Variants in GMDS observed in about 807,000 individuals in gnomAD.
GMDS encodes the protein GDP-mannose 4,6 dehydratase.
In GMDS, 20 loss-of-function variants were observed where a neutral mutation model predicts 49.9. That is an observed-to-expected ratio of 0.40 (90% CI 0.28 to 0.58). GMDS has a LOEUF of 0.58. Among genes scored for constraint, GMDS ranks in the 20% least tolerant of loss-of-function variants. GMDS has a pLI of 0.42. For synonymous variants in GMDS, 177 were observed against 178.6 expected, an observed-to-expected ratio of 0.99 and a Z score of 0.07; for missense variants, 362 against 481.4, an observed-to-expected ratio of 0.75 and a Z score of 2.32.
At chr6:2,224,067 CAA>C (rs905525584) in intron 1 of GMDS, among the ~76,000 whole-genome samples, 4 of 152,194 alleles carry the variant, frequency 2.6e-5, no homozygotes, top group African/African-American at 9.7e-5. Flanking sequence ...GCAAGTAAGA[CAA>C]GGACTGAAGT....
At chr6:1,970,991 G>A (rs1373875382) in intron 4 of GMDS, among the ~76,000 whole-genome samples, 1 of 151,224 alleles carries the variant, frequency 6.6e-6, no homozygotes, top group Non-Finnish European at 1.5e-5. Flanking sequence ...GTGGGCAGGG[G>A]TGGGGGATAG....
intron 9 of GMDS, among the ~76,000 whole-genome samples, chr6:1,719,318 G>A (rs1160258092): frequency 6.6e-6 from 1 of 152,052 alleles, no homozygotes; most frequent in Non-Finnish European, 1.5e-5. Flanking sequence ...GTGAGGTGGT[G>A]GGAGAAGGCA....
At chr6:1,693,396 C>T (rs1451938298) in intron 9 of GMDS, among the ~76,000 whole-genome samples, 1 of 152,214 alleles carries the variant, frequency 6.6e-6, no homozygotes, top group Non-Finnish European at 1.5e-5. Flanking sequence ...GAACTCTGTC[C>T]TCTAAGCTTA....
At chr6:1,869,772 C>A (rs1758629678) in intron 7 of GMDS, among the ~76,000 whole-genome samples, 1 of 152,248 alleles carries the variant, frequency 6.6e-6, no homozygotes, top group African/African-American at 2.4e-5. Flanking sequence ...GGAAAAGGAA[C>A]ATTTAGTGGA....
At position 2,016,076 on chromosome 6, in the gene GMDS, A is replaced by T. The variant is rs553993032; in HGVS notation, c.346-55110T>A. On this transcript the variant is annotated intron_variant, in intron 4 of 10. Transcript: ENST00000380815. ...AACAAAACCCTGTTTCTAAAAAAAA[A>T]AAAAATAAATTAAAAAAAAAAAAAA... Among the ~76,000 whole-genome samples the T allele has an allele frequency of 1.5e-4, 17 of 114,970 alleles. No homozygotes were observed. In the South Asian group the frequency reaches 4.5e-3, roughly 31 times the overall value. 75.4% of individuals were successfully genotyped at this position (114,970 alleles called of 152,430 possible). A position where few individuals can be genotyped will look rare whatever the true frequency, so the allele number is the denominator to read the frequency against.
intron 7 of GMDS, among the ~76,000 whole-genome samples, chr6:1,856,127 A>C (rs1228097353): frequency 6.6e-6 from 1 of 152,172 alleles, no homozygotes; most frequent in Non-Finnish European, 1.5e-5. Context: ...TCAGGGGGTC[A>C]GTTTTGTATT....
chr6:2,150,855 C>T (rs968261837), intron 1 of GMDS, among the ~76,000 whole-genome samples: 2 of 152,116 alleles, frequency 1.3e-5, no homozygotes, highest in Non-Finnish European at 2.9e-5. Flanking sequence ...CTCTATTCCA[C>T]AAAAATTTAT....
At chr6:2,032,743 T>A (rs990865110) in intron 4 of GMDS, among the ~76,000 whole-genome samples, 1 of 152,184 alleles carries the variant, frequency 6.6e-6, no homozygotes, top group Non-Finnish European at 1.5e-5. Flanking sequence ...CAGTAGTATC[T>A]CCATTCATCA....
At chr6:2,043,703 AG>A (rs1769824759) in intron 4 of GMDS, among the ~76,000 whole-genome samples, 1 of 152,246 alleles carries the variant, frequency 6.6e-6, no homozygotes, top group Non-Finnish European at 1.5e-5. Flanking sequence ...CTTACCTGTG[AG>A]ATAAAAAATA....
At chr6:1,669,952 C>T (rs944710721) in intron 9 of GMDS, among the ~76,000 whole-genome samples, 5 of 148,034 alleles carry the variant, frequency 3.4e-5, no homozygotes, top group Admixed American at 6.7e-5. Context: ...CTGTCACCGC[C>T]GGTCCCATGA....
At chr6:1,743,282 G>A (rs759998564) in intron 7 of GMDS, among the ~76,000 whole-genome samples, 3 of 152,180 alleles carry the variant, frequency 2.0e-5, no homozygotes, top group Non-Finnish European at 2.9e-5. Context: ...AGCAGGGCGC[G>A]GTGGCTCACG....
At position 1,624,010 on chromosome 6, in the gene GMDS, GC is replaced by G; in HGVS notation, c.*158del. On this transcript the variant is annotated 3_prime_UTR_variant, in exon 11 of 11. Coordinates refer to ENST00000380815, the MANE Select transcript of GMDS (RefSeq NM_001500.4). ...CACATCCCGGCTGCTACAAACCTCG[GC>G]GGGGCGGCCCCGCTCTTGCGGCCGG... 3.2e-6 allele frequency: 2 copies of G among 617,770 alleles called. No individual in the cohort carries two copies. Among genetic ancestry groups the G allele is most frequent in the South Asian group, 4.0e-5 (2 of 49,608 alleles). 38.3% of individuals were successfully genotyped at this position (617,770 alleles called of 1,614,324 possible). A position where few individuals can be genotyped will look rare whatever the true frequency, so the allele number is the denominator to read the frequency against.
intron 4 of GMDS, among the ~76,000 whole-genome samples, chr6:2,114,715 A>G (rs1774745751): frequency 6.6e-6 from 1 of 152,212 alleles, no homozygotes; most frequent in South Asian, 2.1e-4. Context: ...AGAAATACAT[A>G]TAATGAAGAC....
At chr6:2,126,310 C>A (rs1775431425) in intron 1 of GMDS, among the ~76,000 whole-genome samples, 1 of 152,164 alleles carries the variant, frequency 6.6e-6, no homozygotes, top group East Asian at 1.9e-4. Context: ...AAGCTCCAAC[C>A]ACTGGAAATT....
intron 7 of GMDS, among the ~76,000 whole-genome samples, chr6:1,774,232 T>C (rs2113589124): frequency 6.6e-6 from 1 of 152,366 alleles, no homozygotes; most frequent in East Asian, 1.9e-4. Context: ...GACAGTATAT[T>C]ATCTGGTGTG....
chr6:2,228,295 C>A (rs1191595972), intron 1 of GMDS, among the ~76,000 whole-genome samples: 1 of 152,194 alleles, frequency 6.6e-6, no homozygotes, highest in Admixed American at 6.5e-5. Flanking sequence ...CCCTTCTGTG[C>A]TTCTCAGCAC....
At chr6:1,868,264 C>A (rs951640016) in intron 7 of GMDS, among the ~76,000 whole-genome samples, 1 of 152,148 alleles carries the variant, frequency 6.6e-6, no homozygotes, top group African/African-American at 2.4e-5. Flanking sequence ...GGATTACAGG[C>A]GTGATCCACC....
intron 4 of GMDS, among the ~76,000 whole-genome samples, chr6:2,029,838 CTTTAA>C (rs1414695294): frequency 6.6e-6 from 1 of 151,998 alleles, no homozygotes; most frequent in Non-Finnish European, 1.5e-5. Flanking sequence ...GAAGAAGGTA[CTTTAA>C]TTTAAATATA....
chr6:2,225,326 T>C (rs1780768143), intron 1 of GMDS, among the ~76,000 whole-genome samples: 1 of 152,088 alleles, frequency 6.6e-6, no homozygotes. Flanking sequence ...CAAGACCCTG[T>C]CTCAATAAAT....
Sources: allele counts gnomAD v4.1 joint callset (sites outside exome capture counted in the v4.1 genomes callset), GRCh38; gene constraint gnomAD v4.1.1; transcripts MANE v1.5; gene names NCBI Gene and HGNC (gene_info 2026-07-23, HGNC 2026-07-21).